The following GPR142 variants were observed in gnomAD, a reference collection of about 807,000 sequenced individuals.
The protein encoded by GPR142 is G protein-coupled receptor 142.
A neutral mutation model predicts 10.6 loss-of-function variants in GPR142; 9 were observed. That is an observed-to-expected ratio of 0.85 (90% confidence interval 0.51 to 1.48). The LOEUF (loss-of-function observed/expected upper bound fraction) is 1.48, where lower values mean the gene tolerates loss of function less well. GPR142 is among the 40% of genes most tolerant of loss of function. GPR142 has a pLI of 0.00. For missense variants in GPR142, 482 were observed against 506.0 expected, an observed-to-expected ratio of 0.95 and a Z score of 0.45; for synonymous variants, 202 against 221.2, an observed-to-expected ratio of 0.91 and a Z score of 0.77.
intron 1 of GPR142, 107 bp from the exon 2 acceptor site, chr17:74,369,361 G>T: frequency 9.3e-7 from 1 of 1,073,686 alleles, no homozygotes; most frequent in Non-Finnish European, 1.3e-6. Context: ...GTGCGCCTTA[G>T]AGCACCCTGG....
At position 74,370,510 on chromosome 17, in the gene GPR142, G is replaced by C. The variant is rs374337165; in HGVS notation, c.95-11G>C. 6.2e-7 allele frequency: 1 copy of C among 1,603,406 alleles called. No individual in the cohort carries two copies. Among genetic ancestry groups the C allele is most frequent in the East Asian group, 2.2e-5 (1 of 44,788 alleles). ...CCAGAGGCTCTGACTCTGCCCATCC[G>C]CACCTTCTAGCTGGCCAGCCACGAG... On this transcript the variant is annotated splice_polypyrimidine_tract_variant and intron_variant, in intron 2 of 3. Transcript: ENST00000582579.
intron 2 of GPR142, among the ~76,000 whole-genome samples, chr17:74,370,240 A>G (rs1390231140): frequency 6.6e-6 from 1 of 151,852 alleles, no homozygotes; most frequent in African/African-American, 2.4e-5. Context: ...CATGGGGAGG[A>G]CCCATGGGGA....
intron 3 of GPR142, 85 bp from the exon 4 acceptor site, chr17:74,371,644 G>T: frequency 1.5e-6 from 2 of 1,325,788 alleles, no homozygotes; most frequent in East Asian, 2.3e-5. Flanking sequence ...CATGCAGATG[G>T]GGAGGTGCGA....
At chr17:74,370,228 C>A (rs1017808909) in intron 2 of GPR142, among the ~76,000 whole-genome samples, 3 of 152,162 alleles carry the variant, frequency 2.0e-5, no homozygotes, top group Non-Finnish European at 4.4e-5. Flanking sequence ...CGGGTGAGGG[C>A]CCATGGGGAG....
intron 1 of GPR142, among the ~76,000 whole-genome samples, chr17:74,368,708 C>T (rs906424615): frequency 6.6e-6 from 1 of 152,150 alleles, no homozygotes; most frequent in African/African-American, 2.4e-5. Flanking sequence ...GGCAGGAGAG[C>T]CAGTCTGGCC....
At position 74,370,485 on chromosome 17, in the gene GPR142, C is replaced by T. The variant is rs1290465811; in HGVS notation, c.95-36C>T. The T allele has an allele frequency of 4.4e-6, 7 of 1,578,300 alleles. No individual in the cohort carries two copies. In the African/African-American group the frequency reaches 9.4e-5, roughly 21 times the overall value. On this transcript the variant is annotated intron_variant, in intron 2 of 3. Coordinates refer to ENST00000582579, the MANE Select transcript of GPR142 (RefSeq NM_001331076.1). ...TGCGCCCAGCCAGGTTAGAAATAGACCAGAGGCTCTGACTCTGCCCATCCG... is the reference window on the plus strand; with the variant it reads ...TGCGCCCAGCCAGGTTAGAAATAGATCAGAGGCTCTGACTCTGCCCATCCG...
rs376210869 is a variant in GPR142 at position 74,367,912 on chromosome 17, T to G, written c.-74+118T>G. On this transcript the variant is annotated intron_variant, in intron 1 of 3. Coordinates refer to ENST00000582579, the MANE Select transcript of GPR142 (RefSeq NM_001331076.1). ...GCTCTAGTTTTCTGTGTAGCCTGTG[T>G]GACAGCCTTGGTTGAAACCCTTGTG... The G allele has an allele frequency of 2.9e-5, 28 of 971,354 alleles. 2 individuals are homozygous for G. The highest frequency in any genetic ancestry group is 1.6e-4 in the East Asian group (6 of 37,824). 60.2% of individuals were successfully genotyped at this position (971,354 alleles called of 1,614,324 possible). A position where few individuals can be genotyped will look rare whatever the true frequency, so the allele number is the denominator to read the frequency against.
chr17:74,368,445 A>AG (rs2054997822), intron 1 of GPR142, among the ~76,000 whole-genome samples: 1 of 143,282 alleles, frequency 7.0e-6, no homozygotes, highest in Non-Finnish European at 1.5e-5. Flanking sequence ...TGTGGCCACC[A>AG]GGGGGCAGCA....
chr17:74,372,453 C>T lies in GPR142; in HGVS notation c.978C>T (p.Tyr326=). The change falls in exon 4 of 4, where the codon TAC becomes TAT. Residue 326 remains tyrosine, a synonymous_variant. Coordinates refer to ENST00000582579, the MANE Select transcript of GPR142 (RefSeq NM_001331076.1). The part of the protein sequence containing the change: ...MLHTAANFGL[Y]CFVSKTFRAT... ...ACACGGCAGCCAACTTCGGCCTCTA[C>T]TGCTTTGTCAGCAAGACTTTCCGGG... The T allele has an allele frequency of 6.2e-7, 1 of 1,614,024 alleles. No homozygotes were observed. Among genetic ancestry groups the T allele is most frequent in the Non-Finnish European group, 8.5e-7 (1 of 1,180,058 alleles).
chr17:74,368,531 A>G (rs563291624), intron 1 of GPR142, among the ~76,000 whole-genome samples: 13 of 152,244 alleles, frequency 8.5e-5, no homozygotes, highest in South Asian at 2.1e-4. Context: ...TAACTCCCAG[A>G]GCTGGGAAGC....
chr17:74,369,167 C>T (rs1445800195), intron 1 of GPR142, among the ~76,000 whole-genome samples: 1 of 152,088 alleles, frequency 6.6e-6, no homozygotes, highest in Non-Finnish European at 1.5e-5. Flanking sequence ...CAGCTGAACA[C>T]AGGCCAGCTC....
In GPR142 at chr17:74,367,643, G is replaced by T; in HGVS notation, c.-225G>T. 6.2e-7 allele frequency: 1 copy of T among 1,614,194 alleles called. No individual in the cohort carries two copies. Among genetic ancestry groups the T allele is most frequent in the Non-Finnish European group, 8.5e-7 (1 of 1,180,042 alleles). On this transcript the variant is annotated 5_prime_UTR_variant, in exon 1 of 4. Transcript: ENST00000582579. Reference sequence around the variant, plus strand: ...TGGTGTCCCATGCACAGAAAAGCCAGCATTCTTGTCTCAGCCATTCCAGGT... The same window carrying T: ...TGGTGTCCCATGCACAGAAAAGCCATCATTCTTGTCTCAGCCATTCCAGGT...
In GPR142 at chr17:74,367,508, G is replaced by A. The variant is rs2054989555; in HGVS notation, c.-360G>A. 2 of 1,612,792 alleles carry A rather than the reference G, an allele frequency of 1.2e-6. No individual in the cohort carries two copies. The highest frequency in any genetic ancestry group is 1.7e-6 in the Non-Finnish European group (2 of 1,178,934). On this transcript the variant is annotated 5_prime_UTR_variant, in exon 1 of 4. The change abolishes an upstream ATG in the 5' untranslated region. Coordinates refer to ENST00000582579, the MANE Select transcript of GPR142 (RefSeq NM_001331076.1). ...CATGGATCCCAGCGTTGTTAGCAAT[G>A]AGTATTATGATGTTGCCCATGGAGC...
rs1243147894 is a variant in GPR142, at chr17:74,372,440, A to G, written c.965A>G (p.Asn322Ser). The G allele has an allele frequency of 1.2e-6, 2 of 1,613,804 alleles. No homozygotes were observed. The highest frequency in any genetic ancestry group is 2.2e-5 in the East Asian group (1 of 44,894). The change falls in exon 4 of 4, where the codon AAC becomes AGC. Residue 322 changes from asparagine (N) to serine (S), a missense_variant. Physicochemically the swap from Asn to Ser is conservative, Grantham distance 46. Transcript: ENST00000582579. ...GTGGCCATGCTCCACACGGCAGCCAACTTCGGCCTCTACTGCTTTGTCAGC... is the reference window on the plus strand; with the variant it reads ...GTGGCCATGCTCCACACGGCAGCCAGCTTCGGCCTCTACTGCTTTGTCAGC... ...NMVAMLHTAANFGLYCFVSKT... is the reference protein window; with the variant it reads ...NMVAMLHTAASFGLYCFVSKT...
intron 3 of GPR142, 36 bp downstream of exon 3, chr17:74,370,715 G>A: frequency 6.3e-7 from 1 of 1,585,038 alleles, no homozygotes; most frequent in Non-Finnish European, 8.6e-7. Context: ...ACTTGGGCTT[G>A]GCCAGAAATG....
rs771965299 is a variant in GPR142 at position 74,370,514 on chromosome 17, C to G, written c.95-7C>G. On this transcript the variant is annotated splice_polypyrimidine_tract_variant and splice_region_variant and intron_variant, in intron 2 of 3. Transcript: ENST00000582579. ...AGGCTCTGACTCTGCCCATCCGCAC[C>G]TTCTAGCTGGCCAGCCACGAGTGAC... The G allele has an allele frequency of 8.7e-6, 14 of 1,606,594 alleles. No homozygotes were observed. Among genetic ancestry groups the G allele is most frequent in the Non-Finnish European group, 1.2e-5 (14 of 1,175,810 alleles).
chr17:74,367,880 C>T, intron 1 of GPR142, 86 bp downstream of exon 1: 1 of 1,277,706 alleles, frequency 7.8e-7, no homozygotes, highest in Non-Finnish European at 1.1e-6. Flanking sequence ...CGCTCTGAAT[C>T]CAGGGAGCTC....
intron 3 of GPR142, among the ~76,000 whole-genome samples, chr17:74,371,114 G>C (rs1387896219): frequency 6.7e-6 from 1 of 148,326 alleles, no homozygotes; most frequent in Non-Finnish European, 1.5e-5. Context: ...GGAGGACACA[G>C]AAAACCTAAA....
chr17:74,369,472 A>G lies in GPR142; in HGVS notation c.-69A>G. ...CCCCGCCCCCTGCACTAACAGGCTC[A>G]GTGTCTGCGTAAGGATCCTGGGGCA... On this transcript the variant is annotated 5_prime_UTR_variant, in exon 2 of 4. Coordinates refer to ENST00000582579, the MANE Select transcript of GPR142 (RefSeq NM_001331076.1). The G allele has an allele frequency of 1.3e-6, 2 of 1,556,040 alleles. No individual in the cohort carries two copies. The highest frequency in any genetic ancestry group is 1.7e-6 in the Non-Finnish European group (2 of 1,149,170).
Sources: gnomAD v4.1 joint callset for allele counts (sites outside exome capture counted in the v4.1 genomes callset) on GRCh38, gnomAD v4.1.1 for gene constraint, MANE v1.5 for transcripts, NCBI Gene and HGNC (gene_info 2026-07-23, HGNC 2026-07-21) for gene names.